Variants in NSUN6 observed in about 807,000 individuals in gnomAD.
NSUN6 encodes tRNA (cytosine(72)-C(5))-methyltransferase NSUN6.
Under a neutral mutation model 58.0 loss-of-function variants are expected in NSUN6, and 64 were observed. The observed-to-expected ratio is 1.10, with a 90% CI of 0.90 to 1.36. The LOEUF is 1.36. Among genes scored for constraint, NSUN6 ranks in the 40% most tolerant of loss-of-function variants. The pLI is 0.00. For missense variants in NSUN6, 701 were observed against 550.1 expected (o/e 1.27, Z -2.74); for synonymous variants, 231 against 193.9 (o/e 1.19, Z -1.59).
chr10:18,577,912 G>A (rs1303258886), intron 8 of NSUN6, among the ~76,000 whole-genome samples: 2 of 152,162 alleles, frequency 1.3e-5, no homozygotes, highest in Admixed American at 6.5e-5. Flanking sequence ...TAGCCAATAG[G>A]GGAATGACAC....
chr10:18,599,831 T>C (rs2057735511), intron 6 of NSUN6, among the ~76,000 whole-genome samples: 1 of 152,234 alleles, frequency 6.6e-6, no homozygotes. Flanking sequence ...ACCAAGAATA[T>C]AACTTTGAAA....
At chr10:18,551,427 CTA>C (rs2054598650) in intron 9 of NSUN6, among the ~76,000 whole-genome samples, 1 of 152,146 alleles carries the variant, frequency 6.6e-6, no homozygotes, top group Non-Finnish European at 1.5e-5. Flanking sequence ...AACTGCAAGT[CTA>C]TACCCATTAA....
intron 10 of NSUN6, among the ~76,000 whole-genome samples, chr10:18,547,676 T>C (rs1359061571): frequency 1.3e-5 from 2 of 152,202 alleles, no homozygotes; most frequent in East Asian, 1.9e-4. Context: ...AATCCAGAAA[T>C]ACTTTTTTCC....
chr10:18,553,301 A>G (rs949200680), intron 8 of NSUN6, among the ~76,000 whole-genome samples: 2 of 151,398 alleles, frequency 1.3e-5, no homozygotes, highest in African/African-American at 4.9e-5. Flanking sequence ...TCCGTTCTCC[A>G]TTCCATGGAA....
chr10:18,546,946 G>GAAAAAGAAAAAAGA (rs888521906), intron 10 of NSUN6, among the ~76,000 whole-genome samples: 1 of 150,882 alleles, frequency 6.6e-6, no homozygotes, highest in Non-Finnish European at 1.5e-5. Context: ...AGAAGAAAAA[G>GAAAAAGAAAAAAGA]AAAAAGAAAA....
At chr10:18,559,520 GA>G (rs751118411) in intron 8 of NSUN6, among the ~76,000 whole-genome samples, 2 of 150,640 alleles carry the variant, frequency 1.3e-5, no homozygotes, top group Admixed American at 6.7e-5. Flanking sequence ...GAATGGATTG[GA>G]ATGGAACAGA....
At chr10:18,618,398 C>T (rs551442863) in intron 3 of NSUN6, among the ~76,000 whole-genome samples, 217 of 152,152 alleles carry the variant, frequency 1.4e-3, no homozygotes, top group Middle Eastern at 0.014. Context: ...AATATAAATG[C>T]TGGTCAGGTG....
rs185146350 is a variant in NSUN6 at position 18,562,027 on chromosome 10, G to A, written c.923-10056C>T. 1.7e-4 allele frequency among the ~76,000 whole-genome samples: 26 copies of A among 151,170 alleles called. 1 individual carries two copies. In the East Asian group the frequency reaches 3.7e-3, roughly 21 times the overall value. ...ATTGAAAGGAATGGATAATGGAATG[G>A]AATGCGGAATGGAATGGAGCATGGA... is the stretch of plus-strand genomic sequence containing the variant. On this transcript the variant is annotated intron_variant, in intron 8 of 10. Coordinates refer to ENST00000377304, the MANE Select transcript of NSUN6 (RefSeq NM_182543.5).
chr10:18,611,212 T>G (rs1199365282), intron 5 of NSUN6, among the ~76,000 whole-genome samples: 2 of 152,058 alleles, frequency 1.3e-5, no homozygotes, highest in African/African-American at 4.8e-5. Context: ...TAAAAAAATT[T>G]TTTTTAAAAA....
At chr10:18,619,163 G>A (rs918456580) in intron 3 of NSUN6, among the ~76,000 whole-genome samples, 1 of 152,168 alleles carries the variant, frequency 6.6e-6, no homozygotes, top group Non-Finnish European at 1.5e-5. Context: ...CCAAGTGTTT[G>A]GCTTGGACTG....
chr10:18,625,845 G>C (rs927424261), intron 3 of NSUN6, among the ~76,000 whole-genome samples: 2 of 146,336 alleles, frequency 1.4e-5, no homozygotes, highest in African/African-American at 2.5e-5. Flanking sequence ...CCAATCAAAA[G>C]ACAACGTACT....
intron 8 of NSUN6, among the ~76,000 whole-genome samples, chr10:18,554,558 ATG>A (rs1434691252): frequency 3.3e-5 from 5 of 151,484 alleles, no homozygotes; most frequent in African/African-American, 1.2e-4. Flanking sequence ...AGAGAATTGA[ATG>A]GAATGGAGTG....
chr10:18,556,247 G>A (rs548824398), intron 8 of NSUN6, among the ~76,000 whole-genome samples: 9 of 150,320 alleles, frequency 6.0e-5, no homozygotes, highest in Admixed American at 1.3e-4. Context: ...AATGGAATGC[G>A]AATAGAATGG....
chr10:18,576,612 C>G (rs2056661359), intron 8 of NSUN6, among the ~76,000 whole-genome samples: 1 of 152,216 alleles, frequency 6.6e-6, no homozygotes, highest in South Asian at 2.1e-4. Flanking sequence ...TGCAGGTCAG[C>G]CCCCGAGGGC....
chr10:18,651,821 T>G (rs1258989203), upstream of NSUN6: 5 of 985,316 alleles, frequency 5.1e-6, no homozygotes, highest in Non-Finnish European at 6.0e-6. Flanking sequence ...TCAAAGATAT[T>G]TAGTTCCCGG....
chr10:18,564,445 T>C (rs542514839), intron 8 of NSUN6, among the ~76,000 whole-genome samples: 15 of 150,986 alleles, frequency 9.9e-5, no homozygotes, highest in African/African-American at 3.2e-4. Flanking sequence ...CCACTCTCTA[T>C]TCCATTCATA....
At chr10:18,569,391 T>C (rs978258847) in intron 8 of NSUN6, among the ~76,000 whole-genome samples, 1 of 151,522 alleles carries the variant, frequency 6.6e-6, no homozygotes, top group Non-Finnish European at 1.5e-5. Flanking sequence ...CATTTTCCAT[T>C]CCATTCTCCC....
chr10:18,656,451 T>G (rs12412484), upstream of NSUN6, among the ~76,000 whole-genome samples: 84,838 of 151,922 alleles, frequency 0.56, 24,266 homozygotes, highest in East Asian at 0.97. Context: ...GCAGGAGAAC[T>G]GCTTGAACCC....
intron 3 of NSUN6, among the ~76,000 whole-genome samples, chr10:18,628,180 C>A (rs1274433565): frequency 6.6e-6 from 1 of 152,182 alleles, no homozygotes; most frequent in Non-Finnish European, 1.5e-5. Flanking sequence ...TCCAACAGAC[C>A]TGCAGCTGAG....
Sources: gnomAD v4.1 joint callset for allele counts (sites outside exome capture counted in the v4.1 genomes callset) on GRCh38, gnomAD v4.1.1 for gene constraint, MANE v1.5 for transcripts, NCBI Gene and HGNC (gene_info 2026-07-23, HGNC 2026-07-21) for gene names.